Variants in GALNTL6 observed in about 807,000 individuals in gnomAD.
GALNTL6 encodes polypeptide N-acetylgalactosaminyltransferase-like 6.
In GALNTL6, 46 loss-of-function variants were observed where a neutral mutation model predicts 73.7. The ratio of observed to expected loss-of-function variants is 0.62; its 90% CI spans 0.49 to 0.80. The LOEUF is 0.80. Ranked by LOEUF, GALNTL6 falls within the 30% of genes least tolerant of loss-of-function variation. GALNTL6 has a pLI of 0.00. For missense variants in GALNTL6, 604 were observed against 755.0 expected (o/e 0.80, Z 2.34); for synonymous variants, 259 against 263.7 (o/e 0.98, Z 0.17).
At chr4:172,171,345 G>A in intron 2 of GALNTL6, among the ~76,000 whole-genome samples, 1 of 151,930 alleles carries the variant, frequency 6.6e-6, no homozygotes, top group Non-Finnish European at 1.5e-5. Context: ...AGTGACTATT[G>A]CAGGAATTAA....
At chr4:172,965,498 G>T (rs1934693362) in intron 10 of GALNTL6, among the ~76,000 whole-genome samples, 1 of 152,028 alleles carries the variant, frequency 6.6e-6, no homozygotes, top group Non-Finnish European at 1.5e-5. Flanking sequence ...TGGGAGAATG[G>T]CGTGAACCCA....
In GALNTL6 at chr4:172,237,517, ATTT is replaced by A. The variant is rs367658158; in HGVS notation, c.247+7755_247+7757del. The stretch of plus-strand genomic sequence containing the variant: ...TTTGTCAGATGCATAGTTTACAAAT[ATTT>A]TCTCCCATCGCATGTGTTGTCCATT... On this transcript the variant is annotated intron_variant, in intron 3 of 12. Transcript: ENST00000506823. 4.3e-3 allele frequency among the ~76,000 whole-genome samples: 651 copies of A among 152,122 alleles called. 6 individuals are homozygous for A. The highest frequency in any genetic ancestry group is 0.015 in the African/African-American group (625 of 41,500).
chr4:172,173,149 A>T (rs1417564120), intron 2 of GALNTL6, among the ~76,000 whole-genome samples: 2 of 152,374 alleles, frequency 1.3e-5, no homozygotes, highest in East Asian at 1.9e-4. Context: ...GTAAATTAAA[A>T]GAGATTTCCA....
intron 5 of GALNTL6, among the ~76,000 whole-genome samples, chr4:172,379,814 G>C (rs1042901447): frequency 5.9e-5 from 9 of 152,100 alleles, no homozygotes; most frequent in African/African-American, 1.7e-4. Context: ...TTTCCCAACA[G>C]TCCAGACGAT....
At chr4:172,856,062 A>G (rs1744107053) in intron 7 of GALNTL6, among the ~76,000 whole-genome samples, 1 of 152,164 alleles carries the variant, frequency 6.6e-6, no homozygotes, top group African/African-American at 2.4e-5. Flanking sequence ...ATGGTTTCTA[A>G]AACAATGCCA....
intron 10 of GALNTL6, among the ~76,000 whole-genome samples, chr4:173,004,665 A>G (rs1237164780): frequency 1.3e-5 from 2 of 152,106 alleles, no homozygotes; most frequent in Non-Finnish European, 1.5e-5. Flanking sequence ...AATAAAATCA[A>G]CTATAGTCCA....
At chr4:172,321,603 A>G (rs1740757429) in intron 4 of GALNTL6, among the ~76,000 whole-genome samples, 1 of 152,210 alleles carries the variant, frequency 6.6e-6, no homozygotes, top group South Asian at 2.1e-4. Context: ...AGAGGACATC[A>G]ATAAAGAGAG....
chr4:172,628,716 T>C (rs947413366), intron 5 of GALNTL6, among the ~76,000 whole-genome samples: 7 of 152,154 alleles, frequency 4.6e-5, no homozygotes, highest in Non-Finnish European at 8.8e-5. Context: ...ACAATTGATA[T>C]TGTTCTTTGT....
At chr4:172,287,935 A>C (rs540342853) in intron 3 of GALNTL6, among the ~76,000 whole-genome samples, 3 of 152,258 alleles carry the variant, frequency 2.0e-5, no homozygotes, top group African/African-American at 7.2e-5. Flanking sequence ...TGAAACCTGT[A>C]AGCAGGGTAG....
At chr4:171,930,575 C>T (rs1334675196) in intron 2 of GALNTL6, among the ~76,000 whole-genome samples, 2 of 152,156 alleles carry the variant, frequency 1.3e-5, no homozygotes, top group Non-Finnish European at 2.9e-5. Flanking sequence ...TGGCTCATGC[C>T]TGTAATCCCA....
chr4:172,635,750 T>C (rs1180395478), intron 5 of GALNTL6, among the ~76,000 whole-genome samples: 1 of 152,178 alleles, frequency 6.6e-6, no homozygotes, highest in Non-Finnish European at 1.5e-5. Flanking sequence ...ATTATTTTTC[T>C]TGATGTAGAC....
chr4:172,535,137 A>G (rs1329147107), intron 5 of GALNTL6, among the ~76,000 whole-genome samples: 1 of 152,226 alleles, frequency 6.6e-6, no homozygotes, highest in Non-Finnish European at 1.5e-5. Flanking sequence ...TTCCTACATT[A>G]AAACATTTTT....
chr4:172,219,500 A>G lies in GALNTL6; in HGVS notation c.139-10156A>G, dbSNP rs945817974. Among the ~76,000 whole-genome samples, 3 of 151,882 alleles carry G rather than the reference A, an allele frequency of 2.0e-5. No homozygotes were observed. The East Asian group carries it at 5.8e-4, about 29-fold the overall frequency. On this transcript the variant is annotated intron_variant, in intron 2 of 12. Transcript: ENST00000506823. ...TAAAAACTTTTTGATGGCAAGCTAT[A>G]ATTATAATAATCGAAGTTGTTTTCC...
chr4:172,831,809 G>C (rs959632344), intron 7 of GALNTL6, among the ~76,000 whole-genome samples: 1 of 152,176 alleles, frequency 6.6e-6, no homozygotes, highest in Admixed American at 6.5e-5. Flanking sequence ...CTTATTGAGG[G>C]AATAAAGAGA....
intron 2 of GALNTL6, among the ~76,000 whole-genome samples, chr4:171,834,599 T>C (rs1403283112): frequency 6.6e-6 from 1 of 151,996 alleles, no homozygotes; most frequent in Non-Finnish European, 1.5e-5. Flanking sequence ...ATGTAGTGGT[T>C]AATAGATTTT....
At position 172,173,407 on chromosome 4, in the gene GALNTL6, C is replaced by T. The variant is rs191796828; in HGVS notation, c.139-56249C>T. ...AATTTGCATGAGGCTGTGGATTCCT[C>T]TGGGAAAATGCAGCCCTAGACCAGA... On this transcript the variant is annotated intron_variant, in intron 2 of 12. Transcript: ENST00000506823. Among the ~76,000 whole-genome samples the T allele has an allele frequency of 1.6e-3, 249 of 152,316 alleles. 1 individual carries two copies. Among genetic ancestry groups the T allele is most frequent in the Non-Finnish European group, 3.2e-3 (218 of 68,042 alleles).
At chr4:171,991,894 G>T (rs1221616637) in intron 2 of GALNTL6, among the ~76,000 whole-genome samples, 1 of 151,510 alleles carries the variant, frequency 6.6e-6, no homozygotes, top group African/African-American at 2.4e-5. Flanking sequence ...ATGTCAATAA[G>T]TAACTGTGTA....
chr4:172,574,041 G>A (rs543179549), intron 5 of GALNTL6, among the ~76,000 whole-genome samples: 180 of 152,020 alleles, frequency 1.2e-3, no homozygotes, highest in African/African-American at 4.0e-3. Flanking sequence ...AACCCTAACC[G>A]CAACTGGCTC....
chr4:171,827,320 T>C (rs1357162341), intron 2 of GALNTL6, among the ~76,000 whole-genome samples: 3 of 152,204 alleles, frequency 2.0e-5, no homozygotes, highest in African/African-American at 7.2e-5. Flanking sequence ...TTGGTCTTAA[T>C]TATTTACAGG....
Sources: allele counts gnomAD v4.1 joint callset (sites outside exome capture counted in the v4.1 genomes callset), GRCh38; gene constraint gnomAD v4.1.1; transcripts MANE v1.5; gene names NCBI Gene and HGNC (gene_info 2026-07-23, HGNC 2026-07-21).